RALGAPA2: variants seen among roughly 807,000 people sequenced by gnomAD.
RALGAPA2 encodes the protein Ral GTPase activating protein catalytic subunit alpha 2, also known as ral GTPase-activating protein subunit alpha-2.
In RALGAPA2, 139 loss-of-function variants were observed where a neutral mutation model predicts 230.4. That is an observed-to-expected ratio of 0.60 (90% CI 0.53 to 0.69). RALGAPA2 has a LOEUF of 0.69. Ranked by LOEUF, RALGAPA2 falls within the 30% of genes least tolerant of loss-of-function variation. RALGAPA2 has a pLI of 0.00. For synonymous variants in RALGAPA2, 847 were observed against 837.8 expected (o/e 1.01, Z -0.19); for missense variants, 2,163 against 2,276.0 (o/e 0.95, Z 1.01).
At chr20:20,468,425 C>G (rs1445142252) in intron 37 of RALGAPA2, among the ~76,000 whole-genome samples, 2 of 43,964 alleles carry the variant, frequency 4.5e-5, no homozygotes, top group Admixed American at 6.0e-4. Context: ...ACGTGTTGAC[C>G]TCACTCAGGA....
At chr20:20,520,884 C>A in intron 31 of RALGAPA2, 33 bp downstream of exon 31, 1 of 1,486,774 alleles carries the variant, frequency 6.7e-7, no homozygotes, top group African/African-American at 1.4e-5. Context: ...CCTTTTCCTT[C>A]CCACAAGATT....
At chr20:20,661,110 A>G (rs993079186) in intron 3 of RALGAPA2, among the ~76,000 whole-genome samples, 3 of 152,232 alleles carry the variant, frequency 2.0e-5, no homozygotes, top group Non-Finnish European at 4.4e-5. Context: ...AAGAAGTACA[A>G]AAGACATATG....
At chr20:20,442,086 A>T (rs1284495986) in intron 37 of RALGAPA2, among the ~76,000 whole-genome samples, 1 of 152,282 alleles carries the variant, frequency 6.6e-6, no homozygotes, top group Non-Finnish European at 1.5e-5. Flanking sequence ...GACAGACAGC[A>T]GTGGCTAAGA....
Position 20,458,841 on chromosome 20 carries a change from TATATATATATAGAC to T in RALGAPA2, c.5495+13974_5495+13987del, listed in dbSNP as rs1162332226. Reference sequence around the variant, plus strand: ...ATAGACCTATATATATATATAGACCTATATATATATAGACCTATATATATATATATATATACACA... The same window carrying T: ...ATAGACCTATATATATATATAGACCTCTATATATATATATATATATACACA... On this transcript the variant is annotated intron_variant, in intron 37 of 39. Coordinates refer to ENST00000202677, the MANE Select transcript of RALGAPA2 (RefSeq NM_020343.4). 4.5e-3 allele frequency among the ~76,000 whole-genome samples: 294 copies of T among 65,670 alleles called. 2 individuals carry two copies. The highest frequency in any genetic ancestry group is 0.013 in the African/African-American group (282 of 22,214). 43.1% of individuals were successfully genotyped at this position (65,670 alleles called of 152,430 possible).
At chr20:20,539,976 A>G (rs1425600406) in intron 24 of RALGAPA2, among the ~76,000 whole-genome samples, 1 of 152,200 alleles carries the variant, frequency 6.6e-6, no homozygotes, top group East Asian at 1.9e-4. Context: ...TCCACTGGAG[A>G]TATGTACCAC....
intron 37 of RALGAPA2, among the ~76,000 whole-genome samples, chr20:20,468,710 AT>A (rs1336785146): frequency 7.2e-5 from 11 of 151,738 alleles, no homozygotes; most frequent in Admixed American, 1.3e-4. Flanking sequence ...ATTTCTTCAA[AT>A]GGCCCAGAGA....
intron 37 of RALGAPA2, among the ~76,000 whole-genome samples, chr20:20,422,549 C>G (rs188170672): frequency 3.3e-5 from 5 of 151,792 alleles, no homozygotes; most frequent in Non-Finnish European, 7.4e-5. Flanking sequence ...CCAGTCTGGG[C>G]GACAGAATGA....
At position 20,495,114 on chromosome 20, in the gene RALGAPA2, T is replaced by C; in HGVS notation, c.5367+3A>G. On this transcript the variant is annotated splice_donor_region_variant and intron_variant, in intron 36 of 39. Coordinates refer to ENST00000202677, the MANE Select transcript of RALGAPA2 (RefSeq NM_020343.4). ...TCAGTACAACAATGCAATGAAAACG[T>C]ACCTCAGGTTTCTTCGTTATCGCGA... 1 of 1,598,002 alleles carries C rather than the reference T, an allele frequency of 6.3e-7. No individual in the cohort carries two copies. Among genetic ancestry groups the C allele is most frequent in the Non-Finnish European group, 8.6e-7 (1 of 1,167,378 alleles).
chr20:20,459,691 A>G (rs768522777), intron 37 of RALGAPA2, among the ~76,000 whole-genome samples: 4 of 152,210 alleles, frequency 2.6e-5, no homozygotes, highest in East Asian at 1.9e-4. Flanking sequence ...AATAAATTAT[A>G]ATCAGCGTAT....
chr20:20,589,961 A>G lies in RALGAPA2; in HGVS notation c.2342-596T>C, dbSNP rs924532989. Among the ~76,000 whole-genome samples the G allele has an allele frequency of 6.6e-5, 10 of 151,756 alleles. No individual in the cohort carries two copies. In the East Asian group the frequency reaches 1.9e-3, roughly 29 times the overall value. ...AGAAATGGAAAATCTAAATAGTCCTATAACTATTTTATTTTAACTTTTTTA... is the reference window on the plus strand; with the variant it reads ...AGAAATGGAAAATCTAAATAGTCCTGTAACTATTTTATTTTAACTTTTTTA... On this transcript the variant is annotated intron_variant, in intron 17 of 39. Coordinates refer to ENST00000202677, the MANE Select transcript of RALGAPA2 (RefSeq NM_020343.4).
chr20:20,534,333 T>C (rs567480877), intron 26 of RALGAPA2, among the ~76,000 whole-genome samples: 79 of 151,928 alleles, frequency 5.2e-4, no homozygotes, highest in African/African-American at 1.8e-3. Flanking sequence ...TAGTCCCAGC[T>C]ACTCGGGAGG....
rs887217221 is a variant in RALGAPA2, at chr20:20,524,860, T to C, written c.3732A>G (p.Ala1244=). 1.9e-6 allele frequency: 3 copies of C among 1,610,976 alleles called. No individual in the cohort carries two copies. Among genetic ancestry groups the C allele is most frequent in the Non-Finnish European group, 2.5e-6 (3 of 1,178,522 alleles). ...VATVAFLLPS[A]EYSSVETDKK... ...TGTCTGTTTCCACTGAGGAGTACTC[T>C]GCACTTGGTAAAAGAAAAGCAACTG... Residue 1244 remains alanine (A), a synonymous_variant, in exon 29 of 40, where the codon GCA becomes GCG. Transcript: ENST00000202677.
At chr20:20,451,695 A>G (rs771705329) in intron 37 of RALGAPA2, among the ~76,000 whole-genome samples, 11 of 152,364 alleles carry the variant, frequency 7.2e-5, no homozygotes, top group Non-Finnish European at 1.3e-4. Flanking sequence ...AAGGTCTCAG[A>G]TTGAATGTAG....
At chr20:20,450,880 G>A (rs1403379326) in intron 37 of RALGAPA2, among the ~76,000 whole-genome samples, 1 of 152,188 alleles carries the variant, frequency 6.6e-6, no homozygotes, top group Non-Finnish European at 1.5e-5. Context: ...CAAGAGTTCA[G>A]GCTCAGCAGT....
chr20:20,423,735 T>C (rs1051262117), intron 37 of RALGAPA2, among the ~76,000 whole-genome samples: 1 of 152,180 alleles, frequency 6.6e-6, no homozygotes, highest in Non-Finnish European at 1.5e-5. Flanking sequence ...AATAAATGAA[T>C]CATTGAAAGT....
intron 37 of RALGAPA2, among the ~76,000 whole-genome samples, chr20:20,452,656 C>G (rs1488838046): frequency 6.6e-6 from 1 of 152,224 alleles, no homozygotes; most frequent in Non-Finnish European, 1.5e-5. Context: ...ACAATGCCGG[C>G]CTTCAGAGGG....
intron 24 of RALGAPA2, among the ~76,000 whole-genome samples, chr20:20,540,520 A>G (rs1320039607): frequency 6.6e-6 from 1 of 152,096 alleles, no homozygotes; most frequent in African/African-American, 2.4e-5. Context: ...AGAACATAAC[A>G]CTTTTTTCTT....
intron 24 of RALGAPA2, among the ~76,000 whole-genome samples, chr20:20,537,392 G>T (rs1313986987): frequency 6.6e-6 from 1 of 152,100 alleles, no homozygotes; most frequent in Non-Finnish European, 1.5e-5. Flanking sequence ...GGCTGAGGCG[G>T]GTGGATCACC....
At chr20:20,673,194 AAAAAAT>A (rs898612353) in intron 3 of RALGAPA2, among the ~76,000 whole-genome samples, 14 of 151,508 alleles carry the variant, frequency 9.2e-5, no homozygotes, top group East Asian at 7.7e-4. Flanking sequence ...TTAAAAAAAT[AAAAAAT>A]AAAAATAAAA....
Sources: gnomAD v4.1 joint callset for allele counts (sites outside exome capture counted in the v4.1 genomes callset) on GRCh38, gnomAD v4.1.1 for gene constraint, MANE v1.5 for transcripts, NCBI Gene and HGNC (gene_info 2026-07-23, HGNC 2026-07-21) for gene names.